NOS1AP: variants seen among roughly 807,000 people sequenced by gnomAD.
The protein encoded by NOS1AP is nitric oxide synthase 1 adaptor protein, also known as carboxyl-terminal PDZ ligand of neuronal nitric oxide synthase protein.
A neutral mutation model predicts 56.2 loss-of-function variants in NOS1AP; 21 were observed. The observed-to-expected ratio is 0.37, with a 90% confidence interval of 0.26 to 0.54. The LOEUF is 0.54. Among genes scored for constraint, NOS1AP ranks in the 20% least tolerant of loss-of-function variants. NOS1AP has a pLI of 0.84. For missense variants in NOS1AP, 522 were observed against 657.8 expected (o/e 0.79, Z 2.26); for synonymous variants, 270 against 274.6 (o/e 0.98, Z 0.17).
intron 1 of NOS1AP, among the ~76,000 whole-genome samples, chr1:162,096,963 T>C (rs1224654931): frequency 1.3e-5 from 2 of 152,196 alleles, no homozygotes; most frequent in African/African-American, 4.8e-5. Flanking sequence ...TGTGGAATTG[T>C]AGGACCATAA....
chr1:162,356,876 C>A, intron 7 of NOS1AP, 84 bp from the exon 8 acceptor site: 1 of 1,608,952 alleles, frequency 6.2e-7, no homozygotes, highest in Non-Finnish European at 8.5e-7. Context: ...CAATTTGCTC[C>A]TCCTGAGTGC....
intron 2 of NOS1AP, among the ~76,000 whole-genome samples, chr1:162,168,119 T>C (rs1650590964): frequency 6.6e-6 from 1 of 152,202 alleles, no homozygotes; most frequent in Non-Finnish European, 1.5e-5. Context: ...AATTACTTTA[T>C]GAAGAGGAGA....
chr1:162,347,444 G>T lies in NOS1AP; in HGVS notation c.595+3468G>T, dbSNP rs554951656. On this transcript the variant is annotated intron_variant, in intron 6 of 9. Coordinates refer to ENST00000361897, the MANE Select transcript of NOS1AP (RefSeq NM_014697.3). ...CCCAGAGGTTGAATGTTTGAACACT[G>T]TTATTATCACAGAACAACCATCGGA... Among the ~76,000 whole-genome samples the T allele has an allele frequency of 1.8e-3, 278 of 152,334 alleles. 2 individuals are homozygous for T. The highest frequency in any genetic ancestry group is 7.5e-3 in the South Asian group (36 of 4,826).
chr1:162,297,590 A>G (rs1655507003), intron 3 of NOS1AP, among the ~76,000 whole-genome samples: 4 of 152,192 alleles, frequency 2.6e-5, no homozygotes. Context: ...TCTCAGGCCC[A>G]GGGTCACATC....
chr1:162,121,376 C>T (rs1216665648), intron 1 of NOS1AP, among the ~76,000 whole-genome samples: 1 of 152,046 alleles, frequency 6.6e-6, no homozygotes, highest in Non-Finnish European at 1.5e-5. Context: ...ATCTCAGCCT[C>T]TCAAAGTGCT....
intron 2 of NOS1AP, among the ~76,000 whole-genome samples, chr1:162,179,959 C>T (rs1391666254): frequency 1.3e-5 from 2 of 152,154 alleles, no homozygotes; most frequent in Non-Finnish European, 1.5e-5. Flanking sequence ...TTTATTAGTG[C>T]TGGCTGCTGG....
At chr1:162,178,859 C>A (rs1651158037) in intron 2 of NOS1AP, among the ~76,000 whole-genome samples, 1 of 152,218 alleles carries the variant, frequency 6.6e-6, no homozygotes, top group South Asian at 2.1e-4. Flanking sequence ...AAACTGTTTT[C>A]ATTCCGAGCA....
chr1:162,300,603 T>A, intron 3 of NOS1AP, 30 bp from the exon 4 acceptor site: 1 of 1,597,270 alleles, frequency 6.3e-7, no homozygotes, highest in Non-Finnish European at 8.6e-7. Flanking sequence ...GTCCTGTAAC[T>A]GAGGACAAGC....
chr1:162,120,687 G>GC lies in NOS1AP; in HGVS notation c.106-33710dup, dbSNP rs199511855. 5.1e-3 allele frequency among the ~76,000 whole-genome samples: 776 copies of GC among 151,586 alleles called. 8 individuals carry two copies. Among genetic ancestry groups the GC allele is most frequent in the African/African-American group, 0.016 (666 of 41,278 alleles). Reference sequence around the variant, plus strand: ...ACCATGAGAACAGTATGGGGGAACCGCCCCCCCCATGATTCGATTATCTCC... The same window carrying GC: ...ACCATGAGAACAGTATGGGGGAACCGCCCCCCCCCATGATTCGATTATCTCC... On this transcript the variant is annotated intron_variant, in intron 1 of 9. Transcript: ENST00000361897.
intron 4 of NOS1AP, among the ~76,000 whole-genome samples, chr1:162,304,462 A>T (rs1049868236): frequency 7.9e-5 from 12 of 152,220 alleles, no homozygotes; most frequent in Middle Eastern, 3.4e-3. Flanking sequence ...TTTTTAAAAA[A>T]GTTTTTTTAT....
At chr1:162,248,002 G>T (rs1245564757) in intron 2 of NOS1AP, among the ~76,000 whole-genome samples, 1 of 152,048 alleles carries the variant, frequency 6.6e-6, no homozygotes, top group Non-Finnish European at 1.5e-5. Context: ...TCAAAAGCTG[G>T]TCGTGTGTGG....
In NOS1AP at chr1:162,070,166, C is replaced by A; in HGVS notation, c.-12C>A. ...CGCCGCCTCCGAAGGAGCGGGTCCG[C>A]CGCGGGTAACCATGCCTAGCAAAAC... On this transcript the variant is annotated 5_prime_UTR_variant, in exon 1 of 10. Transcript: ENST00000361897. The A allele has an allele frequency of 6.2e-7, 1 of 1,611,770 alleles. No individual in the cohort carries two copies. The highest frequency in any genetic ancestry group is 8.5e-7 in the Non-Finnish European group (1 of 1,178,072).
chr1:162,331,486 G>T (rs146849271), intron 4 of NOS1AP, among the ~76,000 whole-genome samples: 3 of 152,106 alleles, frequency 2.0e-5, no homozygotes, highest in Admixed American at 6.5e-5. Flanking sequence ...CTCTTGGAAG[G>T]GTTACTATTA....
chr1:162,213,668 A>G (rs993701849), intron 2 of NOS1AP, among the ~76,000 whole-genome samples: 1 of 152,212 alleles, frequency 6.6e-6, no homozygotes, highest in Non-Finnish European at 1.5e-5. Flanking sequence ...GCCTGGAGTC[A>G]TTCCCAGCCT....
chr1:162,219,176 A>G (rs1652682924), intron 2 of NOS1AP, among the ~76,000 whole-genome samples: 1 of 152,190 alleles, frequency 6.6e-6, no homozygotes, highest in Admixed American at 6.5e-5. Flanking sequence ...TTGCTTATAA[A>G]ATGGGAATAA....
At chr1:162,156,414 T>C (rs1649977019) in intron 2 of NOS1AP, among the ~76,000 whole-genome samples, 1 of 152,056 alleles carries the variant, frequency 6.6e-6, no homozygotes, top group Non-Finnish European at 1.5e-5. Context: ...AACTTTCGAG[T>C]GTTTCCAGGC....
At chr1:162,256,312 A>G (rs1176460057) in intron 2 of NOS1AP, among the ~76,000 whole-genome samples, 1 of 152,188 alleles carries the variant, frequency 6.6e-6, no homozygotes, top group East Asian at 1.9e-4. Context: ...TGATGTGTTG[A>G]AAAACACTCC....
chr1:162,094,993 T>C (rs1389078743), intron 1 of NOS1AP, among the ~76,000 whole-genome samples: 1 of 152,208 alleles, frequency 6.6e-6, no homozygotes, highest in African/African-American at 2.4e-5. Context: ...CACACTCCAC[T>C]ATGGGTTCTG....
At chr1:162,181,471 A>G (rs1164468442) in intron 2 of NOS1AP, among the ~76,000 whole-genome samples, 1 of 152,246 alleles carries the variant, frequency 6.6e-6, no homozygotes, top group African/African-American at 2.4e-5. Context: ...CACATTTTAA[A>G]TAAGGTTTTA....
Sources: allele counts gnomAD v4.1 joint callset (sites outside exome capture counted in the v4.1 genomes callset), GRCh38; gene constraint gnomAD v4.1.1; transcripts MANE v1.5; gene names NCBI Gene and HGNC (gene_info 2026-07-23, HGNC 2026-07-21).